The following RBFOX3 variants were observed in gnomAD, a reference collection of about 807,000 sequenced individuals.
RBFOX3 encodes the protein RNA binding protein fox-1 homolog 3.
A neutral mutation model predicts 48.7 loss-of-function variants in RBFOX3; 17 were observed. The observed-to-expected ratio is 0.35, with a 90% confidence interval of 0.24 to 0.52. RBFOX3 has a LOEUF of 0.52. Among genes scored for constraint, RBFOX3 ranks in the 20% least tolerant of loss-of-function variants. The pLI is 0.94. For missense variants in RBFOX3, 382 were observed against 497.5 expected, an observed-to-expected ratio of 0.77 and a Z score of 2.21; for synonymous variants, 212 against 209.5, an observed-to-expected ratio of 1.01 and a Z score of -0.10.
At chr17:79,442,489 C>T (rs2071350864) in intron 2 of RBFOX3, among the ~76,000 whole-genome samples, 1 of 151,814 alleles carries the variant, frequency 6.6e-6, no homozygotes, top group Non-Finnish European at 1.5e-5. Flanking sequence ...CTGCAAGGCC[C>T]CTTGTGGTGA....
At chr17:79,134,858 A>C (rs1016251039) in intron 4 of RBFOX3, among the ~76,000 whole-genome samples, 1 of 152,122 alleles carries the variant, frequency 6.6e-6, no homozygotes, top group African/African-American at 2.4e-5. Context: ...GGCCTGGAAG[A>C]GGGGTCTGGA....
chr17:79,398,683 TGA>T (rs1478431964), intron 2 of RBFOX3, among the ~76,000 whole-genome samples: 6 of 152,188 alleles, frequency 3.9e-5, no homozygotes, highest in African/African-American at 1.2e-4. Flanking sequence ...GCGCTGAGGC[TGA>T]GAGAGCGGAA....
chr17:79,319,036 AAAG>A (rs1467895471), intron 2 of RBFOX3, among the ~76,000 whole-genome samples: 1 of 152,024 alleles, frequency 6.6e-6, no homozygotes, highest in Non-Finnish European at 1.5e-5. Flanking sequence ...TTAAAAAAAA[AAAG>A]AAATTTGACT....
intron 2 of RBFOX3, among the ~76,000 whole-genome samples, chr17:79,416,014 G>C (rs1410526560): frequency 6.6e-6 from 1 of 152,166 alleles, no homozygotes; most frequent in Non-Finnish European, 1.5e-5. Flanking sequence ...GCTGGAAAAG[G>C]CCATGCCTGC....
At chr17:79,611,723 C>A (rs1256436408), upstream of RBFOX3, among the ~76,000 whole-genome samples, 1 of 152,170 alleles carries the variant, frequency 6.6e-6, no homozygotes, top group African/African-American at 2.4e-5. Flanking sequence ...TGCCCACATA[C>A]CCCAAACCCC....
chr17:79,232,530 G>A (rs1201711578), intron 4 of RBFOX3, among the ~76,000 whole-genome samples: 3 of 152,148 alleles, frequency 2.0e-5, no homozygotes, highest in African/African-American at 4.8e-5. Context: ...AATTCAATGG[G>A]GGAAAGGATG....
chr17:79,315,927 G>A (rs1346732748), intron 2 of RBFOX3, among the ~76,000 whole-genome samples: 1 of 152,104 alleles, frequency 6.6e-6, no homozygotes, highest in Non-Finnish European at 1.5e-5. Context: ...GATTGGATTG[G>A]AAACAATTCA....
At chr17:79,575,682 C>T (rs2092834902) in intron 1 of RBFOX3, among the ~76,000 whole-genome samples, 2 of 152,200 alleles carry the variant, frequency 1.3e-5, no homozygotes, top group Non-Finnish European at 2.9e-5. Context: ...AACTAGGGCA[C>T]CTCTGTCTTA....
intron 2 of RBFOX3, among the ~76,000 whole-genome samples, chr17:79,416,256 G>A (rs1341962112): frequency 1.3e-5 from 2 of 152,204 alleles, no homozygotes; most frequent in Non-Finnish European, 2.9e-5. Flanking sequence ...GTCAAGGAGT[G>A]GACCTGGGAG....
At chr17:79,409,200 T>C (rs2063939995) in intron 2 of RBFOX3, among the ~76,000 whole-genome samples, 1 of 152,260 alleles carries the variant, frequency 6.6e-6, no homozygotes, top group Non-Finnish European at 1.5e-5. Context: ...CATGGCTCTG[T>C]GGCACTCCCT....
In RBFOX3 at chr17:79,094,524, C is replaced by A. The variant is rs2146211667; in HGVS notation, c.1004G>T (p.Gly335Val). 1.5e-6 allele frequency: 2 copies of A among 1,357,108 alleles called. No homozygotes were observed. The highest frequency in any genetic ancestry group is 1.9e-6 in the Non-Finnish European group (2 of 1,046,400). The allele number at this position is 1,357,108 out of a possible 1,614,324, so 84.1% of individuals were successfully genotyped here. A position where few individuals can be genotyped will look rare whatever the true frequency, so the allele number is the denominator to read the frequency against. The change falls in exon 14 of 15, where the codon GGC (glycine) becomes GTC (valine). Residue 335 changes from glycine (G) to valine (V), a missense_variant. By Grantham distance (109) the Gly-to-Val change is moderately radical. Coordinates refer to ENST00000693108, the MANE Select transcript of RBFOX3 (RefSeq NM_001350451.2). ...AAAAAYSDSYGRVYAAADPYH... is the reference protein window; with the variant it reads ...AAAAAYSDSYVRVYAAADPYH... ...CGGGTCGGCAGCTGCGTAGACTCTG[C>A]CGTAACTAGGGAAGAGCGTGGGAGG...
At chr17:79,276,581 A>C (rs1457174496) in intron 3 of RBFOX3, among the ~76,000 whole-genome samples, 3 of 152,080 alleles carry the variant, frequency 2.0e-5, no homozygotes, top group African/African-American at 7.2e-5. Flanking sequence ...GCTGCTCGGG[A>C]GGCTGACGCA....
chr17:79,156,686 C>T (rs534914019), intron 4 of RBFOX3, among the ~76,000 whole-genome samples: 3 of 152,346 alleles, frequency 2.0e-5, no homozygotes, highest in South Asian at 2.1e-4. Flanking sequence ...CTCGCCCTAC[C>T]GCATCACTGA....
Position 79,535,597 on chromosome 17 carries a change from T to C in RBFOX3, c.-319-52999A>G, listed in dbSNP as rs573649984. Among the ~76,000 whole-genome samples, 1 of 152,302 alleles carries C rather than the reference T, an allele frequency of 6.6e-6. No individual in the cohort carries two copies. The highest frequency in any genetic ancestry group is 2.1e-4 in the South Asian group (1 of 4,822). ...TTCCTGGGCTTGCAGGTCTGCTGCA[T>C]GGCTGCGGTCCTGGCCAGACCACAT... is the stretch of plus-strand genomic sequence containing the variant. On this transcript the variant is annotated intron_variant, in intron 1 of 14. Transcript: ENST00000693108. The surrounding 1 kb of genome is among the most constrained non-coding windows in gnomAD (Gnocchi z 4.5).
At chr17:79,555,615 G>C (rs1023420303) in intron 1 of RBFOX3, among the ~76,000 whole-genome samples, 16 of 152,148 alleles carry the variant, frequency 1.1e-4, no homozygotes, top group African/African-American at 3.9e-4. Context: ...TGATGGCGGT[G>C]GTGGTGGTAA....
intron 9 of RBFOX3, chr17:79,098,330 G>A (rs1046359139): frequency 3.2e-5 from 5 of 154,138 alleles, no homozygotes; most frequent in African/African-American, 1.2e-4. Context: ...GGTGGCCTGG[G>A]AGCAGGTCGA....
intron 4 of RBFOX3, among the ~76,000 whole-genome samples, chr17:79,197,070 T>C (rs2055746086): frequency 6.6e-6 from 1 of 152,142 alleles, no homozygotes. Flanking sequence ...GGCAGCTCCT[T>C]GCGTGTTGTT....
At chr17:79,466,139 A>G (rs2076284719) in intron 2 of RBFOX3, among the ~76,000 whole-genome samples, 1 of 151,880 alleles carries the variant, frequency 6.6e-6, no homozygotes, top group South Asian at 2.1e-4. Context: ...TGTGTTTTCT[A>G]CCCCGTGGGG....
the RBFOX3 span, among the ~76,000 whole-genome samples, chr17:79,654,269 G>T: frequency 0.26 from 39,107 of 151,890 alleles, 6,215 homozygotes; most frequent in African/African-American, 0.44. Flanking sequence ...ACCAGCTTTC[G>T]GACTCTCCAG....
Sources: gnomAD v4.1 joint callset for allele counts (sites outside exome capture counted in the v4.1 genomes callset) on GRCh38, gnomAD v4.1.1 for gene constraint, Gnocchi (gnomAD v3.1) non-coding constraint, MANE v1.5 for transcripts, NCBI Gene and HGNC (gene_info 2026-07-23, HGNC 2026-07-21) for gene names.